CNTNAP4: variants seen among roughly 807,000 people sequenced by gnomAD.
CNTNAP4 encodes the protein contactin associated protein family member 4.
In CNTNAP4, 98 loss-of-function variants were observed where a neutral mutation model predicts 148.4. The observed-to-expected ratio is 0.66, with a 90% CI of 0.56 to 0.78. The LOEUF (loss-of-function observed/expected upper bound fraction) is 0.78. Ranked by LOEUF, CNTNAP4 falls within the 30% of genes least tolerant of loss-of-function variation. The pLI is 0.00. For synonymous variants in CNTNAP4, 730 were observed against 565.1 expected (o/e 1.29, Z -4.14); for missense variants, 1,935 against 1,565.6 (o/e 1.24, Z -3.98).
intron 6 of CNTNAP4, among the ~76,000 whole-genome samples, chr16:76,449,384 A>G (rs567380286): frequency 6.6e-6 from 1 of 152,304 alleles, no homozygotes; most frequent in African/African-American, 2.4e-5. Context: ...TCAAATATCA[A>G]TATGTGCTAG....
chr16:76,457,910 A>G (rs2080796092), intron 8 of CNTNAP4, among the ~76,000 whole-genome samples: 1 of 152,068 alleles, frequency 6.6e-6, no homozygotes, highest in Non-Finnish European at 1.5e-5. Context: ...AATAATGAAC[A>G]TGGTACCTGA....
intron 4 of CNTNAP4, among the ~76,000 whole-genome samples, chr16:76,438,374 G>A (rs1289361282): frequency 6.6e-6 from 1 of 152,140 alleles, no homozygotes; most frequent in East Asian, 1.9e-4. Flanking sequence ...TGGAGTTCAA[G>A]TCCTGCCAAT....
intron 2 of CNTNAP4, among the ~76,000 whole-genome samples, chr16:76,331,763 A>G (rs1963549711): frequency 6.6e-6 from 1 of 152,160 alleles, no homozygotes; most frequent in Non-Finnish European, 1.5e-5. Context: ...GGGAATTACA[A>G]ACCTCCAATA....
chr16:76,445,352 A>T (rs1239925720), intron 4 of CNTNAP4, among the ~76,000 whole-genome samples: 1 of 152,192 alleles, frequency 6.6e-6, no homozygotes, highest in Non-Finnish European at 1.5e-5. Flanking sequence ...TGTCTTCACT[A>T]AATGGAAACA....
chr16:76,515,265 G>T lies in CNTNAP4; in HGVS notation c.2366-5875G>T, dbSNP rs193069034. On this transcript the variant is annotated intron_variant, in intron 15 of 23. Transcript: ENST00000611870. ...AGTTAAAAACACAATTAAAATATGGGTGTTACGTACTAAATTGTTTTCCCA... is the reference window on the plus strand; with the variant it reads ...AGTTAAAAACACAATTAAAATATGGTTGTTACGTACTAAATTGTTTTCCCA... Among the ~76,000 whole-genome samples the T allele has an allele frequency of 3.7e-3, 561 of 152,228 alleles. 1 individual carries two copies. Among genetic ancestry groups the T allele is most frequent in the Middle Eastern group, 0.01 (3 of 294 alleles).
intron 1 of CNTNAP4, among the ~76,000 whole-genome samples, chr16:76,297,876 C>A (rs1959478085): frequency 6.6e-6 from 1 of 152,114 alleles, no homozygotes; most frequent in Admixed American, 6.6e-5. Context: ...ACCTGATAAA[C>A]CAGATACTAA....
chr16:76,491,084 C>G (rs1274833984), intron 13 of CNTNAP4, among the ~76,000 whole-genome samples: 1 of 152,204 alleles, frequency 6.6e-6, no homozygotes, highest in Non-Finnish European at 1.5e-5. Flanking sequence ...TCTCCACCCA[C>G]TAAAAATCAG....
intron 14 of CNTNAP4, among the ~76,000 whole-genome samples, chr16:76,498,010 T>TA (rs1280051707): frequency 6.6e-6 from 1 of 152,368 alleles, no homozygotes; most frequent in Non-Finnish European, 1.5e-5. Context: ...TCCATTGAAT[T>TA]AAAAAATCTC....
In CNTNAP4 at chr16:76,383,189, C is replaced by A. The variant is rs1366358848; in HGVS notation, c.390+27678C>A. 2.0e-5 allele frequency among the ~76,000 whole-genome samples: 3 copies of A among 151,368 alleles called. No individual in the cohort carries two copies. In the East Asian group the frequency reaches 5.8e-4, roughly 29 times the overall value. On this transcript the variant is annotated intron_variant, in intron 3 of 23. Transcript: ENST00000611870. Reference sequence around the variant, plus strand: ...GAAAGAAACTTTCCCATTTTGGAAGCACTCCAGGTCAGCATACAAAATTTA... The same window carrying A: ...GAAAGAAACTTTCCCATTTTGGAAGAACTCCAGGTCAGCATACAAAATTTA...
In CNTNAP4 at chr16:76,522,076, TGGG is replaced by T. The variant is rs1180337013; in HGVS notation, c.2575_2577del (p.Gly859del). The T allele has an allele frequency of 6.2e-7, 1 of 1,613,832 alleles. No homozygotes were observed. The highest frequency in any genetic ancestry group is 8.5e-7 in the Non-Finnish European group (1 of 1,179,852). On this transcript the variant is annotated inframe_deletion, in exon 17 of 24. Transcript: ENST00000611870. Reference sequence around the variant, plus strand: ...TGACTTTTTCATTTGATGTGGGGAATGGGCCTTTTGAAATCTCAGTGCAGTCAC... The same window carrying T: ...TGACTTTTTCATTTGATGTGGGGAATCCTTTTGAAATCTCAGTGCAGTCAC...
At chr16:76,501,187 A>G (rs2082626553) in intron 15 of CNTNAP4, among the ~76,000 whole-genome samples, 1 of 152,224 alleles carries the variant, frequency 6.6e-6, no homozygotes, top group African/African-American at 2.4e-5. Flanking sequence ...CATGAAGATG[A>G]TATAGGATAT....
chr16:76,403,331 G>T (rs920687602), intron 3 of CNTNAP4, among the ~76,000 whole-genome samples: 5 of 152,024 alleles, frequency 3.3e-5, no homozygotes, highest in Non-Finnish European at 7.4e-5. Flanking sequence ...CTGACCTCGT[G>T]ATCCACCCAC....
At chr16:76,416,156 T>C (rs1048185416) in intron 3 of CNTNAP4, among the ~76,000 whole-genome samples, 2 of 151,232 alleles carry the variant, frequency 1.3e-5, no homozygotes, top group African/African-American at 2.4e-5. Context: ...TTCCCTTTTT[T>C]CCCCCATAGA....
At chr16:76,434,541 TG>T (rs2079741937) in intron 4 of CNTNAP4, among the ~76,000 whole-genome samples, 1 of 152,234 alleles carries the variant, frequency 6.6e-6, no homozygotes, top group African/African-American at 2.4e-5. Context: ...AAGATCCATC[TG>T]TCTTCTGCAG....
chr16:76,524,543 G>A (rs139341515), intron 17 of CNTNAP4, among the ~76,000 whole-genome samples: 98 of 152,300 alleles, frequency 6.4e-4, no homozygotes, highest in African/African-American at 2.1e-3. Flanking sequence ...GAGTGACTGT[G>A]TGTTGTGCCG....
rs747739788 is a variant in CNTNAP4, at chr16:76,535,587, G to A, written c.2798G>A (p.Arg933Gln). ...TRQRGFLGCI[R>Q]SLQLNGMTLD... ...CAGAGAGGCTTTCTGGGCTGCATTC[G>A]GTCTCTGCAGTTGAATGGGATGACC... Residue 933 changes from arginine to glutamine, a missense_variant, in exon 18 of 24, where the codon CGG becomes CAG. By Grantham distance (43) the Arg-to-Gln change is conservative (BLOSUM62 1). Coordinates refer to ENST00000611870, the MANE Select transcript of CNTNAP4 (RefSeq NM_033401.5). The A allele has an allele frequency of 1.4e-5, 23 of 1,612,662 alleles. No individual in the cohort carries two copies. The highest frequency in any genetic ancestry group is 1.8e-5 in the Non-Finnish European group (21 of 1,179,974).
At chr16:76,343,014 C>T (rs1240103149) in intron 2 of CNTNAP4, among the ~76,000 whole-genome samples, 2 of 151,994 alleles carry the variant, frequency 1.3e-5, no homozygotes, top group Non-Finnish European at 2.9e-5. Flanking sequence ...TCTGTGGTAA[C>T]AGCGTTCAGG....
chr16:76,285,649 T>C (rs1213624262), intron 1 of CNTNAP4, among the ~76,000 whole-genome samples: 2 of 152,122 alleles, frequency 1.3e-5, no homozygotes, highest in African/African-American at 4.8e-5. Flanking sequence ...AAAAGCACCA[T>C]GTAAATATAT....
intron 1 of CNTNAP4, among the ~76,000 whole-genome samples, chr16:76,286,362 A>G (rs1368413441): frequency 1.3e-5 from 2 of 152,170 alleles, no homozygotes; most frequent in African/African-American, 4.8e-5. Context: ...ATACCAGAGT[A>G]GTCTCCAGTA....
Sources: allele counts gnomAD v4.1 joint callset (sites outside exome capture counted in the v4.1 genomes callset), GRCh38; gene constraint gnomAD v4.1.1; transcripts MANE v1.5; gene names NCBI Gene and HGNC (gene_info 2026-07-23, HGNC 2026-07-21).